AMD1: variants seen among roughly 807,000 people sequenced by gnomAD.
AMD1 encodes the protein adenosylmethionine decarboxylase 1, also known as S-adenosylmethionine decarboxylase proenzyme.
Under a neutral mutation model 40.2 loss-of-function variants are expected in AMD1, and 11 were observed. The observed-to-expected ratio is 0.27, with a 90% CI of 0.17 to 0.45. The LOEUF (loss-of-function observed/expected upper bound fraction) is 0.45. Among genes scored for constraint, AMD1 ranks in the 20% least tolerant of loss-of-function variants. The pLI is 1.00. For missense variants in AMD1, 257 were observed against 410.2 expected, an observed-to-expected ratio of 0.63 and a Z score of 3.23; for synonymous variants, 121 against 130.8, an observed-to-expected ratio of 0.93 and a Z score of 0.51.
the AMD1 span, chr6:110,815,004 C>T: frequency 8.1e-6 from 13 of 1,603,910 alleles, no homozygotes; most frequent in African/African-American, 1.4e-5. Flanking sequence ...CGCCCCTGCT[C>T]TTACCCATCT....
At chr6:110,875,276 C>T (rs1012046781) in intron 1 of AMD1, 61 bp downstream of exon 1, 5 of 1,347,930 alleles carry the variant, frequency 3.7e-6, no homozygotes, top group Non-Finnish European at 5.2e-6. Context: ...CGCCGAGGCA[C>T]CAGCCACGGG....
chr6:110,861,509 G>A, the AMD1 span, among the ~76,000 whole-genome samples: 7 of 150,262 alleles, frequency 4.7e-5, no homozygotes, highest in Non-Finnish European at 7.4e-5. Context: ...GGGCAACAGA[G>A]TGAGACTCCA....
In AMD1 at chr6:110,885,400, A is replaced by T. The variant is rs1007026463; in HGVS notation, c.111-2105A>T. On this transcript the variant is annotated intron_variant, in intron 1 of 8. Transcript: ENST00000368885. ...AGTGGTGGGATTACAGGCATGAGCCATTGTGCCTGGCCAAGTTTTTGTTGT... is the reference window on the plus strand; with the variant it reads ...AGTGGTGGGATTACAGGCATGAGCCTTTGTGCCTGGCCAAGTTTTTGTTGT... Among the ~76,000 whole-genome samples the T allele has an allele frequency of 3.4e-5, 5 of 146,764 alleles. No individual in the cohort carries two copies. In the South Asian group the frequency reaches 1.1e-3, roughly 32 times the overall value.
chr6:110,869,421 C>A, the AMD1 span, among the ~76,000 whole-genome samples: 1 of 152,034 alleles, frequency 6.6e-6, no homozygotes, highest in Non-Finnish European at 1.5e-5. Context: ...CGTGAGCCAC[C>A]GCGCCCAGCC....
At chr6:110,890,467 C>T (rs978373891) in intron 4 of AMD1, 111 bp downstream of exon 4, 21 of 759,220 alleles carry the variant, frequency 2.8e-5, no homozygotes, top group Non-Finnish European at 3.7e-5. Context: ...TCTACACACA[C>T]TAATACTTGC....
At chr6:110,877,831 A>C (rs1055552472) in intron 1 of AMD1, among the ~76,000 whole-genome samples, 2 of 152,216 alleles carry the variant, frequency 1.3e-5, no homozygotes, top group African/African-American at 4.8e-5. Flanking sequence ...ATAAACTAAA[A>C]GTAGGTTAAA....
intron 8 of AMD1, 69 bp downstream of exon 8, chr6:110,893,134 G>T: frequency 7.4e-7 from 1 of 1,351,430 alleles, no homozygotes; most frequent in Non-Finnish European, 1.0e-6. Context: ...GAGACAGTGA[G>T]GCCTAAGATG....
At chr6:110,892,560 A>T in intron 6 of AMD1, 117 bp downstream of exon 6, 3 of 1,473,662 alleles carry the variant, frequency 2.0e-6, no homozygotes, top group Non-Finnish European at 2.8e-6. Context: ...ACATAGGTAA[A>T]CTTGTGTCAT....
At chr6:110,884,626 A>G (rs1785589441) in intron 1 of AMD1, among the ~76,000 whole-genome samples, 2 of 152,116 alleles carry the variant, frequency 1.3e-5, no homozygotes, top group Middle Eastern at 3.4e-3. Context: ...GAGACTGGCT[A>G]TTGCTATGTT....
At chr6:110,835,257 A>C in the AMD1 span, among the ~76,000 whole-genome samples, 1 of 151,506 alleles carries the variant, frequency 6.6e-6, no homozygotes, top group Non-Finnish European at 1.5e-5. Flanking sequence ...TGACCTCGTG[A>C]TCCGCCCGCC....
At chr6:110,831,368 G>T in the AMD1 span, among the ~76,000 whole-genome samples, 15 of 152,016 alleles carry the variant, frequency 9.9e-5, 1 homozygote, top group Admixed American at 8.5e-4. Context: ...GAACTCGGGA[G>T]GCAGAGATTG....
At chr6:110,856,721 C>CT in the AMD1 span, among the ~76,000 whole-genome samples, 1 of 152,164 alleles carries the variant, frequency 6.6e-6, no homozygotes, top group Admixed American at 6.5e-5. Flanking sequence ...CTGAAATGGA[C>CT]TTTCTAAGTT....
chr6:110,894,545 T>G lies in AMD1; in HGVS notation c.*929T>G, dbSNP rs1786204282. The G allele has an allele frequency of 6.6e-6, 1 of 152,216 alleles. No individual in the cohort carries two copies. The highest frequency in any genetic ancestry group is 1.5e-5 in the Non-Finnish European group (1 of 68,034). 9.4% of individuals were successfully genotyped at this position (152,216 alleles called of 1,614,324 possible). On this transcript the variant is annotated 3_prime_UTR_variant, in exon 9 of 9. Transcript: ENST00000368885. ...TTCTGTGTTCCTCAGTAAATGAGAT[T>G]AGCGTCTAATGAGTAGCACCCCTTT...
chr6:110,882,131 T>C (rs2115285977), intron 1 of AMD1, among the ~76,000 whole-genome samples: 1 of 152,354 alleles, frequency 6.6e-6, no homozygotes, highest in East Asian at 1.9e-4. Flanking sequence ...TCTAGCTTAA[T>C]ACTATCTTTT....
At chr6:110,820,492 C>A in the AMD1 span, among the ~76,000 whole-genome samples, 2 of 152,030 alleles carry the variant, frequency 1.3e-5, no homozygotes, top group Non-Finnish European at 2.9e-5. Flanking sequence ...CTGCCTTGGC[C>A]TCCCAAAGTG....
At chr6:110,817,958 G>A in the AMD1 span, among the ~76,000 whole-genome samples, 9 of 152,236 alleles carry the variant, frequency 5.9e-5, no homozygotes, top group East Asian at 9.7e-4. Flanking sequence ...ATTATTTCAG[G>A]TAGAACAGCA....
At chr6:110,820,871 A>G in the AMD1 span, among the ~76,000 whole-genome samples, 1 of 152,122 alleles carries the variant, frequency 6.6e-6, no homozygotes, top group Non-Finnish European at 1.5e-5. Flanking sequence ...CCACAGCAAG[A>G]TCGTGCCACA....
upstream of AMD1, among the ~76,000 whole-genome samples, chr6:110,872,363 T>C (rs760193749): frequency 3.4e-4 from 51 of 152,060 alleles, no homozygotes; most frequent in Non-Finnish European, 6.6e-4. Context: ...CTAAAGAGAA[T>C]AAAGGGAAGA....
chr6:110,865,108 G>T, the AMD1 span, among the ~76,000 whole-genome samples: 1 of 152,168 alleles, frequency 6.6e-6, no homozygotes, highest in South Asian at 2.1e-4. Context: ...ACAGATAAAA[G>T]ACAAAATAAT....
Sources: gnomAD v4.1 joint callset for allele counts (sites outside exome capture counted in the v4.1 genomes callset) on GRCh38, gnomAD v4.1.1 for gene constraint, MANE v1.5 for transcripts, NCBI Gene and HGNC (gene_info 2026-07-23, HGNC 2026-07-21) for gene names.